Variants in CDH4 observed in about 807,000 individuals in gnomAD.
CDH4 encodes cadherin-4.
Under a neutral mutation model 86.0 loss-of-function variants are expected in CDH4, and 33 were observed. The ratio of observed to expected loss-of-function variants is 0.38; its 90% confidence interval spans 0.29 to 0.51. The LOEUF (loss-of-function observed/expected upper bound fraction) is 0.51, where lower values mean the gene tolerates loss of function less well. Among genes scored for constraint, CDH4 ranks in the 20% least tolerant of loss-of-function variants. The pLI is 0.86. For synonymous variants in CDH4, 555 were observed against 549.4 expected, an observed-to-expected ratio of 1.01 and a Z score of -0.14; for missense variants, 1,114 against 1,307.4, an observed-to-expected ratio of 0.85 and a Z score of 2.28.
intron 2 of CDH4, among the ~76,000 whole-genome samples, chr20:61,454,427 G>GA (rs982888832): frequency 1.3e-5 from 2 of 152,116 alleles, no homozygotes; most frequent in African/African-American, 4.8e-5. Flanking sequence ...GAGTCAGGGG[G>GA]AACAGGGAGG....
rs367893184 is a variant in CDH4, at chr20:61,686,766, C to T, written c.170-56797C>T. Among the ~76,000 whole-genome samples the T allele has an allele frequency of 8.2e-4, 125 of 151,842 alleles. 3 individuals are homozygous for T. In the South Asian group the frequency reaches 0.025, roughly 31 times the overall value. The stretch of plus-strand genomic sequence containing the variant: ...GTGCATATGTGTATATGTGCGTGTG[C>T]ATTCGCGCGTGTGTGTGTGCATGTG... On this transcript the variant is annotated intron_variant, in intron 2 of 15. Coordinates refer to ENST00000614565, the MANE Select transcript of CDH4 (RefSeq NM_001794.5).
intron 2 of CDH4, among the ~76,000 whole-genome samples, chr20:61,357,420 A>G (rs566163405): frequency 1.3e-5 from 2 of 152,068 alleles, no homozygotes; most frequent in East Asian, 1.9e-4. Context: ...CGCCACACAC[A>G]CTGTTGGGAA....
chr20:61,870,592 G>A (rs1411871814), intron 6 of CDH4, among the ~76,000 whole-genome samples: 1 of 152,156 alleles, frequency 6.6e-6, no homozygotes, highest in African/African-American at 2.4e-5. Context: ...CGACAGGCAT[G>A]TGGATCCTCA....
chr20:61,628,125 C>T (rs2145783856), intron 2 of CDH4, among the ~76,000 whole-genome samples: 1 of 152,308 alleles, frequency 6.6e-6, no homozygotes, highest in Non-Finnish European at 1.5e-5. Context: ...CAGACATCCT[C>T]CTGCTGACCC....
At position 61,743,590 on chromosome 20, in the gene CDH4, A is replaced by C; in HGVS notation, c.197A>C (p.Lys66Thr). The C allele has an allele frequency of 6.4e-7, 1 of 1,573,274 alleles. No homozygotes were observed. Among genetic ancestry groups the C allele is most frequent in the Non-Finnish European group, 8.6e-7 (1 of 1,158,062 alleles). ...AAGTTCAGCAGCTGTGTGGGGACCA[A>C]GGGGACACAATATGAGACCAACAGC... The part of the protein sequence containing the change: ...QVKFSSCVGT[K>T]GTQYETNSMD... Residue 66 changes from lysine (K) to threonine (T), a missense_variant, in exon 3 of 16, where the codon AAG becomes ACG. Physicochemically the swap from Lys to Thr is moderately conservative, Grantham distance 78 (BLOSUM62 -1). Transcript: ENST00000614565.
rs1980389370 is a variant in CDH4 at position 61,810,712 on chromosome 20, G to C, written c.577-33956G>C. ...GGAAAAAATCAGTACTCTGCCGCTA[G>C]ATGACGTGTAGCCGCATTCAGGGTC... is the stretch of plus-strand genomic sequence containing the variant. On this transcript the variant is annotated intron_variant, in intron 4 of 15. Transcript: ENST00000614565. The surrounding 1 kb of genome is among the most constrained non-coding windows in gnomAD (Gnocchi z 4.3). Among the ~76,000 whole-genome samples, 1 of 152,210 alleles carries C rather than the reference G, an allele frequency of 6.6e-6. No homozygotes were observed. Among genetic ancestry groups the C allele is most frequent in the African/African-American group, 2.4e-5 (1 of 41,460 alleles).
chr20:61,795,621 C>T (rs2146023504), intron 4 of CDH4, among the ~76,000 whole-genome samples: 1 of 152,308 alleles, frequency 6.6e-6, no homozygotes, highest in East Asian at 1.9e-4. Context: ...AGCAGGAGGG[C>T]ATCAAGGCAG....
intron 2 of CDH4, among the ~76,000 whole-genome samples, chr20:61,565,887 G>A (rs1406710785): frequency 2.0e-5 from 3 of 152,196 alleles, no homozygotes; most frequent in African/African-American, 7.2e-5. Flanking sequence ...GCTGCCTGGG[G>A]TGAGGGTGTC....
rs189186524 is a variant in CDH4 at position 61,394,261 on chromosome 20, G to A, written c.169+139324G>A. On this transcript the variant is annotated intron_variant, in intron 2 of 15. Coordinates refer to ENST00000614565, the MANE Select transcript of CDH4 (RefSeq NM_001794.5). ...CTCCTGGACATCTTCATTTCCACCCGGGAAGGCATCACTCCAGCATCTCCT... is the reference window on the plus strand; with the variant it reads ...CTCCTGGACATCTTCATTTCCACCCAGGAAGGCATCACTCCAGCATCTCCT... Among the ~76,000 whole-genome samples, 175 of 152,128 alleles carry A rather than the reference G, an allele frequency of 1.2e-3. 1 individual carries two copies. The highest frequency in any genetic ancestry group is 2.7e-3 in the South Asian group (13 of 4,804).
In CDH4 at chr20:61,764,303, C is replaced by T. The variant is rs150168913; in HGVS notation, c.397-8700C>T. The stretch of plus-strand genomic sequence containing the variant: ...AACCCCGGGGCCACCGACTTCCAGT[C>T]GAACGGAAGTTGTCTTTGTCTGTGT... On this transcript the variant is annotated intron_variant, in intron 3 of 15. Transcript: ENST00000614565. 2.0e-4 allele frequency among the ~76,000 whole-genome samples: 30 copies of T among 152,322 alleles called. No homozygotes were observed. The East Asian group carries it at 4.6e-3, about 23-fold the overall frequency.
chr20:61,876,571 T>C (rs62204974), intron 7 of CDH4, among the ~76,000 whole-genome samples: 50,152 of 152,070 alleles, frequency 0.33, 9,075 homozygotes, highest in Non-Finnish European at 0.41. Flanking sequence ...CATGAACACA[T>C]CTCTTCTTAC....
At chr20:61,261,245 C>T (rs906239454) in intron 2 of CDH4, among the ~76,000 whole-genome samples, 3 of 152,144 alleles carry the variant, frequency 2.0e-5, no homozygotes, top group African/African-American at 7.2e-5. Context: ...GATTCCCACC[C>T]TGCAAGATTC....
chr20:61,863,521 A>T (rs1983418585), intron 6 of CDH4, among the ~76,000 whole-genome samples: 1 of 152,198 alleles, frequency 6.6e-6, no homozygotes, highest in Non-Finnish European at 1.5e-5. Context: ...ACTGCTGGCC[A>T]CATCTTTCCT....
intron 2 of CDH4, among the ~76,000 whole-genome samples, chr20:61,375,432 GGTCTTGGTGGTGGTA>G (rs2084861656): frequency 6.6e-6 from 1 of 151,900 alleles, no homozygotes; most frequent in African/African-American, 2.4e-5. Flanking sequence ...TGCTGGTGGT[GGTCTTGGTGGTGGTA>G]GTCATAGCAC....
chr20:61,452,985 A>C (rs962075411), intron 2 of CDH4, among the ~76,000 whole-genome samples: 41 of 152,212 alleles, frequency 2.7e-4, no homozygotes, highest in African/African-American at 9.2e-4. Flanking sequence ...AACTTCTTAG[A>C]AGTTAAACTA....
At chr20:61,907,023 C>A (rs2054797077) in intron 8 of CDH4, among the ~76,000 whole-genome samples, 1 of 152,090 alleles carries the variant, frequency 6.6e-6, no homozygotes, top group East Asian at 1.9e-4. Context: ...CCACCCTCCT[C>A]CCTGCTCCAG....
chr20:61,826,962 AGT>A (rs11470719), intron 4 of CDH4, among the ~76,000 whole-genome samples: 6,952 of 146,030 alleles, frequency 0.048, 217 homozygotes, highest in African/African-American at 0.081. Context: ...AGAAGGGAAA[AGT>A]GTGTGTGTGT....
At chr20:61,562,346 A>G (rs1236214425) in intron 2 of CDH4, among the ~76,000 whole-genome samples, 1 of 133,582 alleles carries the variant, frequency 7.5e-6, no homozygotes, top group East Asian at 2.3e-4. Flanking sequence ...GGGCTCCCGG[A>G]GAGAGAGAGG....
At chr20:61,911,912 C>A (rs572043691) in intron 9 of CDH4, among the ~76,000 whole-genome samples, 3 of 152,294 alleles carry the variant, frequency 2.0e-5, no homozygotes, top group Non-Finnish European at 4.4e-5. Context: ...AGAGACTTAA[C>A]CACAGAAATT....
Sources: gnomAD v4.1 joint callset for allele counts (sites outside exome capture counted in the v4.1 genomes callset) on GRCh38, gnomAD v4.1.1 for gene constraint, Gnocchi (gnomAD v3.1) non-coding constraint, MANE v1.5 for transcripts, NCBI Gene and HGNC (gene_info 2026-07-23, HGNC 2026-07-21) for gene names.